CDK8: variants seen among roughly 807,000 people sequenced by gnomAD.
The protein encoded by CDK8 is cyclin dependent kinase 8.
CDK8 carries 29 observed loss-of-function variants against 71.5 expected under a neutral mutation model. The ratio of observed to expected loss-of-function variants is 0.41; its 90% CI spans 0.30 to 0.55. The LOEUF (loss-of-function observed/expected upper bound fraction) is 0.55, where lower values mean the gene tolerates loss of function less well. CDK8 is among the 20% of genes least tolerant of loss of function. The pLI, the probability that CDK8 is intolerant of heterozygous loss-of-function variation, is 0.37. For synonymous variants in CDK8, 161 were observed against 192.1 expected (o/e 0.84, Z 1.34); for missense variants, 288 against 572.6 (o/e 0.50, Z 5.07).
intron 1 of CDK8, among the ~76,000 whole-genome samples, chr13:26,285,042 C>T (rs1464264339): frequency 6.6e-6 from 1 of 151,598 alleles, no homozygotes; most frequent in Non-Finnish European, 1.5e-5. Flanking sequence ...AGTTTGAGAC[C>T]AACCTGGCCA....
chr13:26,363,568 C>T (rs1874248310), intron 4 of CDK8, among the ~76,000 whole-genome samples: 1 of 151,738 alleles, frequency 6.6e-6, no homozygotes, highest in African/African-American at 2.4e-5. Flanking sequence ...TGCTGTGTTG[C>T]CCAGGCTGGT....
At chr13:26,379,201 T>C (rs976831681) in intron 4 of CDK8, among the ~76,000 whole-genome samples, 3 of 152,210 alleles carry the variant, frequency 2.0e-5, no homozygotes, top group Admixed American at 1.3e-4. Context: ...TTAAGACCAT[T>C]GTCTTTTGTT....
At chr13:26,323,726 A>G (rs1316656862) in intron 1 of CDK8, among the ~76,000 whole-genome samples, 2 of 152,072 alleles carry the variant, frequency 1.3e-5, no homozygotes, top group Non-Finnish European at 2.9e-5. Context: ...TGTAAATCTC[A>G]TTCCTTTAAA....
chr13:26,358,039 C>A (rs747758799), intron 4 of CDK8, among the ~76,000 whole-genome samples: 7 of 151,856 alleles, frequency 4.6e-5, no homozygotes. Context: ...TGGTGGCTCA[C>A]GCCTGTAATC....
At chr13:26,260,176 G>C (rs1182751392) in intron 1 of CDK8, among the ~76,000 whole-genome samples, 1 of 152,022 alleles carries the variant, frequency 6.6e-6, no homozygotes, top group Non-Finnish European at 1.5e-5. Context: ...TTTTCCCCTT[G>C]TTTTCCCTGG....
chr13:26,255,386 G>T (rs1157353858), intron 1 of CDK8, among the ~76,000 whole-genome samples: 4 of 152,180 alleles, frequency 2.6e-5, no homozygotes, highest in Non-Finnish European at 5.9e-5. Context: ...GTGCAGGGTG[G>T]GTGGTGGGGA....
chr13:26,321,575 A>AGG (rs1874777724), intron 1 of CDK8, among the ~76,000 whole-genome samples: 2 of 152,164 alleles, frequency 1.3e-5, no homozygotes, highest in Non-Finnish European at 2.9e-5. Flanking sequence ...ATGGAAAAAA[A>AGG]GTGACAATGT....
Position 26,401,546 on chromosome 13 carries a change from G to C in CDK8, c.1191G>C (p.Gln397His). 6.2e-7 allele frequency: 1 copy of C among 1,614,138 alleles called. No individual in the cohort carries two copies. Among genetic ancestry groups the C allele is most frequent in the Non-Finnish European group, 8.5e-7 (1 of 1,180,018 alleles). ...HPGNQDSSHT[Q>H]GPPLKKVRVV... ...GGAATCAAGACAGCAGTCACACACAGGGACCCCCGTTGAAGAAAGTGAGAG... is the reference window on the plus strand; with the variant it reads ...GGAATCAAGACAGCAGTCACACACACGGACCCCCGTTGAAGAAAGTGAGAG... The change falls in exon 12 of 13, where the codon CAG (glutamine) becomes CAC (histidine). Residue 397 changes from glutamine to histidine, a missense_variant. This residue lies in a region of CDK8 where 76 missense variants were observed against 99.7 expected (regional missense o/e 0.76). Coordinates refer to ENST00000381527, the MANE Select transcript of CDK8 (RefSeq NM_001260.3). The surrounding 1 kb of genome is among the most constrained non-coding windows in gnomAD (Gnocchi z 4.5).
intron 7 of CDK8, among the ~76,000 whole-genome samples, chr13:26,394,174 A>G (rs1875881345): frequency 1.3e-5 from 2 of 152,218 alleles, no homozygotes; most frequent in Non-Finnish European, 1.5e-5. Context: ...GTCCAGAATA[A>G]TGAGAATTTG....
intron 1 of CDK8, among the ~76,000 whole-genome samples, chr13:26,255,103 T>C (rs574828818): frequency 1.6e-3 from 250 of 152,158 alleles, no homozygotes; most frequent in African/African-American, 5.7e-3. Context: ...TTTTTTTTTT[T>C]CCTTGGTCGA....
chr13:26,378,772 A>G (rs189334591), intron 4 of CDK8, among the ~76,000 whole-genome samples: 77 of 152,348 alleles, frequency 5.1e-4, no homozygotes, highest in Admixed American at 2.6e-3. Context: ...AGTTACCTCT[A>G]ATCACTTCAT....
At chr13:26,322,653 G>T (rs771763184) in intron 1 of CDK8, among the ~76,000 whole-genome samples, 1 of 152,092 alleles carries the variant, frequency 6.6e-6, no homozygotes. Context: ...GTTTACACTC[G>T]TGCTAAATTG....
chr13:26,355,109 C>A (rs1249267361), intron 4 of CDK8, among the ~76,000 whole-genome samples: 1 of 152,152 alleles, frequency 6.6e-6, no homozygotes, highest in African/African-American at 2.4e-5. Context: ...TAGTCTCTGG[C>A]CTTCAATGTG....
At chr13:26,356,360 A>C (rs1230053145) in intron 4 of CDK8, among the ~76,000 whole-genome samples, 1 of 152,180 alleles carries the variant, frequency 6.6e-6, no homozygotes, top group Non-Finnish European at 1.5e-5. Context: ...TAATCCAAAA[A>C]GTTCTGCAGT....
intron 2 of CDK8, among the ~76,000 whole-genome samples, chr13:26,345,097 T>G (rs1428062862): frequency 6.6e-6 from 1 of 152,192 alleles, no homozygotes; most frequent in Non-Finnish European, 1.5e-5. Context: ...TGTGTGTCAC[T>G]AGGTGATAGG....
chr13:26,370,638 A>G (rs1451776875), intron 4 of CDK8, among the ~76,000 whole-genome samples: 1 of 152,208 alleles, frequency 6.6e-6, no homozygotes, highest in African/African-American at 2.4e-5. Flanking sequence ...CAGTCACGAT[A>G]CAGGATTGAT....
intron 12 of CDK8, 45 bp from the exon 13 acceptor site, chr13:26,403,911 C>A (rs762298402): frequency 1.2e-6 from 2 of 1,600,810 alleles, no homozygotes; most frequent in East Asian, 2.2e-5. Flanking sequence ...ATTGAGCTTC[C>A]CCTAGAAGCA....
chr13:26,267,956 C>G (rs1872102302), intron 1 of CDK8, among the ~76,000 whole-genome samples: 2 of 152,238 alleles, frequency 1.3e-5, no homozygotes, highest in Admixed American at 1.3e-4. Context: ...GTTCTAGAAA[C>G]TCTGATCACC....
chr13:26,374,094 G>A (rs887965979), intron 4 of CDK8, among the ~76,000 whole-genome samples: 1 of 150,886 alleles, frequency 6.6e-6, no homozygotes, highest in East Asian at 1.9e-4. Context: ...CCAGCTGCTC[G>A]AGAGGCTGAG....
Sources: gnomAD v4.1 joint callset for allele counts (sites outside exome capture counted in the v4.1 genomes callset) on GRCh38, gnomAD v4.1.1 for gene constraint, gnomAD v4.1.1 regional missense constraint, Gnocchi (gnomAD v3.1) non-coding constraint, MANE v1.5 for transcripts, NCBI Gene and HGNC (gene_info 2026-07-23, HGNC 2026-07-21) for gene names.